The following PPP2R2B variants were observed in gnomAD, a reference collection of about 807,000 sequenced individuals.
PPP2R2B encodes protein phosphatase 2 regulatory subunit Bbeta, also known as serine/threonine-protein phosphatase 2A 55 kDa regulatory subunit B beta isoform.
PPP2R2B carries 5 observed loss-of-function variants against 46.0 expected under a neutral mutation model. The observed-to-expected ratio is 0.11, with a 90% confidence interval of 0.06 to 0.23. The LOEUF is 0.23. Among genes scored for constraint, PPP2R2B ranks in the 10% least tolerant of loss-of-function variants. The pLI is 1.00. For synonymous variants in PPP2R2B, 215 were observed against 206.7 expected, an observed-to-expected ratio of 1.04 and a Z score of -0.34; for missense variants, 367 against 575.0, an observed-to-expected ratio of 0.64 and a Z score of 3.70.
chr5:146,629,214 T>G (rs1365286502), intron 7 of PPP2R2B, among the ~76,000 whole-genome samples: 2 of 152,214 alleles, frequency 1.3e-5, no homozygotes, highest in Non-Finnish European at 2.9e-5. Flanking sequence ...ATCACAGACA[T>G]CTCAATCTGG....
Position 146,765,466 on chromosome 5 carries a change from A to G in PPP2R2B, c.71-64324T>C, listed in dbSNP as rs187862381. ...CTGCATTTGAAGAACAGTGCCCAGA[A>G]CATGGAAGGAGCAACATAAACCACA... On this transcript the variant is annotated intron_variant, in intron 2 of 9. Coordinates refer to ENST00000394411, the MANE Select transcript of PPP2R2B (RefSeq NM_181675.4). Among the ~76,000 whole-genome samples the G allele has an allele frequency of 2.2e-3, 331 of 152,356 alleles. 2 individuals carry two copies. The highest frequency in any genetic ancestry group is 7.5e-3 in the African/African-American group (312 of 41,590).
chr5:146,711,868 G>A (rs1218824109), intron 2 of PPP2R2B, among the ~76,000 whole-genome samples: 1 of 152,146 alleles, frequency 6.6e-6, no homozygotes, highest in Non-Finnish European at 1.5e-5. Context: ...AGATTTTTAA[G>A]TCAAAGAATT....
intron 1 of PPP2R2B, among the ~76,000 whole-genome samples, chr5:147,034,089 G>T (rs1755921817): frequency 6.6e-6 from 1 of 152,102 alleles, no homozygotes; most frequent in South Asian, 2.1e-4. Flanking sequence ...TCTTCCCCTT[G>T]CAAACTAAGC....
chr5:146,591,525 A>G (rs1770653922), intron 9 of PPP2R2B, among the ~76,000 whole-genome samples: 1 of 152,118 alleles, frequency 6.6e-6, no homozygotes, highest in Non-Finnish European at 1.5e-5. Flanking sequence ...CACATTGCTA[A>G]TTGGTGGTAA....
intron 2 of PPP2R2B, among the ~76,000 whole-genome samples, chr5:146,738,826 T>A (rs549939326): frequency 8.5e-5 from 13 of 152,340 alleles, no homozygotes; most frequent in African/African-American, 1.9e-4. Context: ...GAGGGTTTTT[T>A]AATCAGATTA....
chr5:147,055,970 C>T, exon 1 of PPP2R2B: 1 of 1,371,322 alleles, frequency 7.3e-7, no homozygotes, highest in Non-Finnish European at 9.4e-7. Flanking sequence ...TCAGAAGCCC[C>T]CAAGCAAGCC....
chr5:146,656,003 CTG>C (rs1325397815), intron 5 of PPP2R2B, among the ~76,000 whole-genome samples: 1 of 152,182 alleles, frequency 6.6e-6, no homozygotes, highest in Non-Finnish European at 1.5e-5. Context: ...CGATGGGTAA[CTG>C]TGCTTCTGGG....
intron 7 of PPP2R2B, among the ~76,000 whole-genome samples, chr5:146,633,956 G>A (rs1018609618): frequency 2.0e-5 from 3 of 152,154 alleles, no homozygotes; most frequent in African/African-American, 4.8e-5. Flanking sequence ...TTGCAGTTGC[G>A]ATGCTATATT....
At chr5:146,895,554 G>A (rs948281302) in intron 1 of PPP2R2B, among the ~76,000 whole-genome samples, 4 of 152,024 alleles carry the variant, frequency 2.6e-5, no homozygotes, top group African/African-American at 7.2e-5. Context: ...TTTTTTGTTT[G>A]TTTCATCACC....
chr5:146,904,159 G>A (rs1762927084), intron 1 of PPP2R2B, among the ~76,000 whole-genome samples: 1 of 152,096 alleles, frequency 6.6e-6, no homozygotes, highest in Admixed American at 6.5e-5. Flanking sequence ...CCAAAGTATT[G>A]TATTTGTTCT....
intron 7 of PPP2R2B, among the ~76,000 whole-genome samples, chr5:146,629,829 C>T (rs1056079972): frequency 7.3e-5 from 11 of 151,590 alleles, no homozygotes; most frequent in African/African-American, 2.7e-4. Context: ...CTCCCTCTCC[C>T]TTGCCCTCTC....
chr5:146,867,274 G>T (rs1243275294), intron 2 of PPP2R2B, among the ~76,000 whole-genome samples: 1 of 152,064 alleles, frequency 6.6e-6, no homozygotes, highest in East Asian at 1.9e-4. Flanking sequence ...AATCAAAATT[G>T]GGCATGGTCT....
intron 1 of PPP2R2B, among the ~76,000 whole-genome samples, chr5:146,977,237 T>TC (rs1752952771): frequency 6.6e-6 from 1 of 152,114 alleles, no homozygotes; most frequent in South Asian, 2.1e-4. Flanking sequence ...AACCTCTTTT[T>TC]CTTTTTTAGA....
chr5:146,897,809 A>G lies in PPP2R2B; in HGVS notation c.79+157856T>C, dbSNP rs1212059425. Among the ~76,000 whole-genome samples the G allele has an allele frequency of 1.4e-4, 6 of 43,556 alleles. No individual in the cohort carries two copies. The Admixed American group carries it at 1.5e-3, about 11-fold the overall frequency. The allele number at this position is 43,556 out of a possible 152,430, so 28.6% of individuals were successfully genotyped here. A position where few individuals can be genotyped will look rare whatever the true frequency, so the allele number is the denominator to read the frequency against. On this transcript the variant is annotated intron_variant, in intron 1 of 8. Coordinates refer to the PPP2R2B transcript ENST00000336640. ...AAAGAAGGAAAACATAGAGAATAAGAAAAAAAAAACATGGAATTAAAAAAT... is the reference window on the plus strand; with the variant it reads ...AAAGAAGGAAAACATAGAGAATAAGGAAAAAAAAACATGGAATTAAAAAAT...
chr5:146,837,592 A>T (rs1759363420), intron 2 of PPP2R2B, among the ~76,000 whole-genome samples: 3 of 152,260 alleles, frequency 2.0e-5, no homozygotes, highest in Non-Finnish European at 1.5e-5. Context: ...AAAGTAAAAA[A>T]AGGTAAAATT....
chr5:146,947,803 T>C (rs1246268000), intron 1 of PPP2R2B, among the ~76,000 whole-genome samples: 1 of 151,644 alleles, frequency 6.6e-6, no homozygotes. Context: ...GGCTTAGCCA[T>C]GCAACCCTGT....
intron 1 of PPP2R2B, among the ~76,000 whole-genome samples, chr5:146,898,626 G>A (rs1293111117): frequency 6.9e-6 from 1 of 145,566 alleles, no homozygotes; most frequent in Non-Finnish European, 1.5e-5. Context: ...TGACAAATGG[G>A]ATCTAATTAA....
At chr5:146,877,081 TA>T (rs1275560848) in intron 2 of PPP2R2B, among the ~76,000 whole-genome samples, 1 of 152,160 alleles carries the variant, frequency 6.6e-6, no homozygotes, top group Non-Finnish European at 1.5e-5. Flanking sequence ...TGGCTAAGGA[TA>T]AAAGGCCTAC....
intron 2 of PPP2R2B, among the ~76,000 whole-genome samples, chr5:146,709,119 T>A (rs1032902434): frequency 1.3e-5 from 2 of 152,254 alleles, no homozygotes; most frequent in Admixed American, 6.5e-5. Context: ...TACTGAATAT[T>A]CTTCCTTTCA....
Sources: gnomAD v4.1 joint callset for allele counts (sites outside exome capture counted in the v4.1 genomes callset) on GRCh38, gnomAD v4.1.1 for gene constraint, MANE v1.5 for transcripts, NCBI Gene and HGNC (gene_info 2026-07-23, HGNC 2026-07-21) for gene names.